Variants in FAT3 observed in about 807,000 individuals in gnomAD.
FAT3 encodes protocadherin Fat 3.
FAT3 carries 95 observed loss-of-function variants against 310.2 expected under a neutral mutation model. The observed-to-expected ratio is 0.31, with a 90% CI of 0.26 to 0.36. The LOEUF (loss-of-function observed/expected upper bound fraction) is 0.36, where lower values mean the gene tolerates loss of function less well. Among genes scored for constraint, FAT3 ranks in the 10% least tolerant of loss-of-function variants. The probability of loss-of-function intolerance (pLI) is 1.00; values close to 1 mark genes in which losing one functional copy is unlikely to be tolerated. For synonymous variants in FAT3, 2,314 were observed against 2,192.9 expected (o/e 1.06, Z -1.54); for missense variants, 5,408 against 5,715.6 (o/e 0.95, Z 1.74).
chr11:92,560,330 T>C (rs2135466373), intron 3 of FAT3, among the ~76,000 whole-genome samples: 1 of 152,324 alleles, frequency 6.6e-6, no homozygotes, highest in African/African-American at 2.4e-5. Flanking sequence ...TATTTATATG[T>C]ACTAGATAGA....
At chr11:92,492,550 C>T (rs1041231807) in intron 2 of FAT3, among the ~76,000 whole-genome samples, 18 of 152,114 alleles carry the variant, frequency 1.2e-4, no homozygotes, top group African/African-American at 4.3e-4. Flanking sequence ...GCTACTATGA[C>T]AATGATGATG....
intron 3 of FAT3, among the ~76,000 whole-genome samples, chr11:92,627,669 C>T (rs1268070142): frequency 1.3e-5 from 2 of 152,066 alleles, no homozygotes; most frequent in African/African-American, 4.8e-5. Flanking sequence ...CTAGTCTCAC[C>T]TTTGTAAAAG....
chr11:92,555,794 A>T (rs1285805399), intron 3 of FAT3, among the ~76,000 whole-genome samples: 1 of 152,216 alleles, frequency 6.6e-6, no homozygotes, highest in African/African-American at 2.4e-5. Flanking sequence ...TGTGTTTTTA[A>T]TGAAAAACAC....
intron 3 of FAT3, among the ~76,000 whole-genome samples, chr11:92,549,449 A>G (rs1046138291): frequency 2.6e-5 from 4 of 152,238 alleles, no homozygotes; most frequent in Non-Finnish European, 4.4e-5. Flanking sequence ...CAGTCATTGA[A>G]GTACCTTTCT....
intron 2 of FAT3, among the ~76,000 whole-genome samples, chr11:92,489,594 C>CA (rs997963138): frequency 9.2e-5 from 14 of 151,470 alleles, no homozygotes; most frequent in Non-Finnish European, 1.3e-4. Flanking sequence ...TAAAAAAGTA[C>CA]AAAAAAAAGC....
chr11:92,493,548 C>G (rs767348428), intron 2 of FAT3, among the ~76,000 whole-genome samples: 1 of 152,064 alleles, frequency 6.6e-6, no homozygotes, highest in Non-Finnish European at 1.5e-5. Context: ...CTTCCACACT[C>G]AAGGATGGGC....
At chr11:92,297,474 C>T (rs576826223) in intron 1 of FAT3, among the ~76,000 whole-genome samples, 2 of 152,140 alleles carry the variant, frequency 1.3e-5, no homozygotes, top group South Asian at 4.2e-4. Context: ...ATTATTCTGA[C>T]CATCAAATGA....
intron 1 of FAT3, among the ~76,000 whole-genome samples, chr11:92,315,510 TATAGAGAGAGAGAGAG>T (rs1947429244): frequency 1.3e-5 from 1 of 78,158 alleles, no homozygotes; most frequent in African/African-American, 5.3e-5. Context: ...TATATATATA[TATAGAGAGAGAGAGAG>T]AGAGAGAGAG....
At chr11:92,351,094 T>C (rs1948552320) in intron 1 of FAT3, among the ~76,000 whole-genome samples, 2 of 152,204 alleles carry the variant, frequency 1.3e-5, no homozygotes, top group Non-Finnish European at 2.9e-5. Flanking sequence ...TAATAGTCAT[T>C]GATGAAAGTA....
intron 22 of FAT3, among the ~76,000 whole-genome samples, chr11:92,873,009 A>T (rs771705212): frequency 1.3e-5 from 2 of 152,172 alleles, no homozygotes; most frequent in Non-Finnish European, 2.9e-5. Flanking sequence ...ACATCAGAAT[A>T]AAAAAACTCC....
chr11:92,338,179 A>G (rs977185375), intron 1 of FAT3, among the ~76,000 whole-genome samples: 4 of 152,308 alleles, frequency 2.6e-5, no homozygotes, highest in African/African-American at 7.2e-5. Flanking sequence ...TGGATGCTCA[A>G]AATTGCTGCT....
rs188238081 is a variant in FAT3 at position 92,566,910 on chromosome 11, G to A, written c.3607+41962G>A. Among the ~76,000 whole-genome samples the A allele has an allele frequency of 2.0e-4, 30 of 152,194 alleles. No homozygotes were observed. In the East Asian group the frequency reaches 2.9e-3, roughly 15 times the overall value. ...TTCAAGATGGATTAAAGACTTAAAC[G>A]TTAGACCTAAAACCATAAAAACCGT... On this transcript the variant is annotated intron_variant, in intron 3 of 27. Coordinates refer to ENST00000525166, the MANE Select transcript of FAT3 (RefSeq NM_001367949.2).
At chr11:92,336,424 T>C (rs1591127685) in intron 1 of FAT3, 1 of 334,762 alleles carries the variant, frequency 3.0e-6, no homozygotes, top group Non-Finnish European at 5.8e-6. Context: ...CGGAGGTGGG[T>C]GGCCAAGAGC....
rs1472147068 is a variant in FAT3 at position 92,354,344 on chromosome 11, C to T, written c.2232C>T (p.Asn744=). The T allele has an allele frequency of 6.2e-7, 1 of 1,613,850 alleles. No homozygotes were observed. Among genetic ancestry groups the T allele is most frequent in the South Asian group, 1.1e-5 (1 of 91,082 alleles). Reference sequence around the variant, plus strand: ...AGGAGGATCTGCCAGTTGGTGCTAACATTCTGAAGATTAAAGCCTATGATG... The same window carrying T: ...AGGAGGATCTGCCAGTTGGTGCTAATATTCTGAAGATTAAAGCCTATGATG... ...AVKEDLPVGA[N]ILKIKAYDAD... is the part of the protein sequence containing the mutation. Residue 744 remains asparagine, a synonymous_variant, in exon 2 of 28, where the codon AAC becomes AAT. Coordinates refer to ENST00000525166, the MANE Select transcript of FAT3 (RefSeq NM_001367949.2).
intron 1 of FAT3, among the ~76,000 whole-genome samples, chr11:92,339,600 A>G (rs993830539): frequency 6.6e-6 from 1 of 152,346 alleles, no homozygotes; most frequent in South Asian, 2.1e-4. Flanking sequence ...CTGAGGACAC[A>G]TGACAGGGGC....
intron 3 of FAT3, among the ~76,000 whole-genome samples, chr11:92,608,740 A>ATAATAATAATAATAATAATAC (rs1277897627): frequency 5.9e-5 from 9 of 151,384 alleles, no homozygotes; most frequent in African/African-American, 1.7e-4. Context: ...AATAATAATA[A>ATAATAATAATAATAATAATAC]TAATACTCCT....
intron 4 of FAT3, among the ~76,000 whole-genome samples, chr11:92,741,711 A>G (rs2136027822): frequency 6.6e-6 from 1 of 152,306 alleles, no homozygotes; most frequent in African/African-American, 2.4e-5. Context: ...TTTATCCAAG[A>G]TGAACCATCT....
intron 2 of FAT3, among the ~76,000 whole-genome samples, chr11:92,484,013 A>T (rs1483361780): frequency 6.6e-6 from 1 of 152,212 alleles, no homozygotes. Flanking sequence ...TGTCACAATC[A>T]GTGTTAATGA....
In FAT3 at chr11:92,738,702, G is replaced by A. The variant is rs576034446; in HGVS notation, c.3670-23154G>A. ...AAATATGTTTAGTTAATTTTTCCTG[G>A]AAAAGTATGTACATTTTTTTGTGTT... On this transcript the variant is annotated intron_variant, in intron 4 of 27. Transcript: ENST00000525166. 6.1e-3 allele frequency among the ~76,000 whole-genome samples: 935 copies of A among 152,214 alleles called. 15 individuals carry two copies. Among genetic ancestry groups the A allele is most frequent in the African/African-American group, 0.021 (855 of 41,528 alleles).
Sources: gnomAD v4.1 joint callset for allele counts (sites outside exome capture counted in the v4.1 genomes callset) on GRCh38, gnomAD v4.1.1 for gene constraint, MANE v1.5 for transcripts, NCBI Gene and HGNC (gene_info 2026-07-23, HGNC 2026-07-21) for gene names.